Variants in PHLPP1 observed in about 807,000 individuals in gnomAD.
PHLPP1 encodes the protein PH domain and leucine rich repeat protein phosphatase 1.
Under a neutral mutation model 117.2 loss-of-function variants are expected in PHLPP1, and 42 were observed. The ratio of observed to expected loss-of-function variants is 0.36; its 90% CI spans 0.28 to 0.46. The LOEUF is 0.46. Ranked by LOEUF, PHLPP1 falls within the 20% of genes least tolerant of loss-of-function variation. PHLPP1 has a pLI of 1.00. For synonymous variants in PHLPP1, 1,042 were observed against 970.7 expected (o/e 1.07, Z -1.37); for missense variants, 2,084 against 2,241.9 (o/e 0.93, Z 1.42).
rs530198405 is a variant in PHLPP1 at position 62,978,216 on chromosome 18, A to G, written c.3985-46A>G. 1.1e-4 allele frequency: 125 copies of G among 1,166,916 alleles called. No homozygotes were observed. In the South Asian group the frequency reaches 1.7e-3, roughly 16 times the overall value. 72.3% of individuals were successfully genotyped at this position (1,166,916 alleles called of 1,614,324 possible). ...CGCAGGGAACCTGCACAGTTGCCGC[A>G]GGTGCTCTGTATTAACTGTCTGTCT... On this transcript the variant is annotated intron_variant, in intron 16 of 16. Transcript: ENST00000262719. This position sits in a 1 kb window ranked among gnomAD's most constrained non-coding sequence, Gnocchi z 7.0.
intron 1 of PHLPP1, among the ~76,000 whole-genome samples, chr18:62,798,904 A>T (rs1342084746): frequency 1.3e-5 from 2 of 150,462 alleles, no homozygotes; most frequent in Non-Finnish European, 3.0e-5. Flanking sequence ...ATGTTTAAAA[A>T]CAAAACAAAA....
Position 62,776,109 on chromosome 18 carries a change from T to G in PHLPP1, c.1577-53926T>G, listed in dbSNP as rs944434305. ...AGAAGTTTATTTTAAGGAATTGGCT[T>G]GCTTATGGGAACTGGTAAGTCCAAC... On this transcript the variant is annotated intron_variant, in intron 1 of 16. Coordinates refer to ENST00000262719, the MANE Select transcript of PHLPP1 (RefSeq NM_194449.4). Among the ~76,000 whole-genome samples, 3 of 152,166 alleles carry G rather than the reference T, an allele frequency of 2.0e-5. No individual in the cohort carries two copies. In the East Asian group the frequency reaches 5.8e-4, roughly 29 times the overall value.
At chr18:62,775,009 A>T (rs1470058639) in intron 1 of PHLPP1, among the ~76,000 whole-genome samples, 1 of 152,238 alleles carries the variant, frequency 6.6e-6, no homozygotes, top group African/African-American at 2.4e-5. Context: ...AACTGATTTC[A>T]GTCCACCTTC....
intron 12 of PHLPP1, 43 bp from the exon 13 acceptor site, chr18:62,958,586 C>T: frequency 3.1e-6 from 5 of 1,609,040 alleles, no homozygotes; most frequent in Middle Eastern, 1.7e-4. Flanking sequence ...TGAAGAGCTT[C>T]TCTAGACCAT....
chr18:62,828,935 G>T (rs192868368), intron 1 of PHLPP1, among the ~76,000 whole-genome samples: 276 of 152,222 alleles, frequency 1.8e-3, no homozygotes, highest in African/African-American at 6.5e-3. Flanking sequence ...TAGAAATGGG[G>T]AAATACTTTT....
intron 4 of PHLPP1, among the ~76,000 whole-genome samples, chr18:62,884,291 T>C (rs572851772): frequency 6.6e-6 from 1 of 152,332 alleles, no homozygotes; most frequent in African/African-American, 2.4e-5. Flanking sequence ...TTTGGAAGGA[T>C]ATAAACCAAA....
At chr18:62,955,226 A>C (rs148645732) in intron 12 of PHLPP1, among the ~76,000 whole-genome samples, 17 of 152,328 alleles carry the variant, frequency 1.1e-4, no homozygotes, top group Non-Finnish European at 2.1e-4. Context: ...CATGAGCTGC[A>C]GGCACTCTGG....
chr18:62,758,658 T>C (rs139220847), intron 1 of PHLPP1, among the ~76,000 whole-genome samples: 1 of 152,342 alleles, frequency 6.6e-6, no homozygotes, highest in African/African-American at 2.4e-5. Context: ...TAACTTTCCC[T>C]AGTAAATCCA....
At chr18:62,809,071 A>G (rs1914039576) in intron 1 of PHLPP1, among the ~76,000 whole-genome samples, 1 of 152,234 alleles carries the variant, frequency 6.6e-6, no homozygotes, top group Non-Finnish European at 1.5e-5. Flanking sequence ...ATAGAGTACC[A>G]GAATATTAAA....
chr18:62,828,300 G>C (rs1358231934), intron 1 of PHLPP1, among the ~76,000 whole-genome samples: 2 of 152,150 alleles, frequency 1.3e-5, no homozygotes, highest in Non-Finnish European at 2.9e-5. Flanking sequence ...GTGAATCACT[G>C]TGTCTGATCC....
chr18:62,766,076 A>AAATATATATATATATATATAT, intron 1 of PHLPP1, among the ~76,000 whole-genome samples: 16 of 21,648 alleles, frequency 7.4e-4, no homozygotes, highest in African/African-American at 8.9e-4. Context: ...AAAAAAAAAA[A>AAATATATATATATATATATAT]ATATATATAT....
At chr18:62,914,239 T>G (rs1276347015) in intron 8 of PHLPP1, among the ~76,000 whole-genome samples, 3 of 152,188 alleles carry the variant, frequency 2.0e-5, no homozygotes, top group African/African-American at 7.2e-5. Flanking sequence ...TAATATTAAG[T>G]GTAAAAATAC....
chr18:62,769,988 C>T (rs1332427975), intron 1 of PHLPP1, among the ~76,000 whole-genome samples: 1 of 152,206 alleles, frequency 6.6e-6, no homozygotes, highest in Non-Finnish European at 1.5e-5. Flanking sequence ...CATCTTTCCT[C>T]CATGTTTGCA....
intron 1 of PHLPP1, among the ~76,000 whole-genome samples, chr18:62,754,847 T>G (rs1911963761): frequency 1.3e-5 from 2 of 152,178 alleles, no homozygotes; most frequent in Middle Eastern, 3.2e-3. Flanking sequence ...ATTGCCATAG[T>G]CAGCTACACC....
chr18:62,722,797 A>G (rs1018326787), intron 1 of PHLPP1, among the ~76,000 whole-genome samples: 1 of 152,234 alleles, frequency 6.6e-6, no homozygotes, highest in Non-Finnish European at 1.5e-5. Flanking sequence ...ACTTAGGAAG[A>G]ATAGACTTTA....
intron 10 of PHLPP1, among the ~76,000 whole-genome samples, chr18:62,934,288 A>C (rs1468113237): frequency 6.6e-6 from 1 of 152,224 alleles, no homozygotes; most frequent in Non-Finnish European, 1.5e-5. Flanking sequence ...TTATTGCAAC[A>C]CTATTCACAA....
At chr18:62,721,028 T>G (rs1166158789) in intron 1 of PHLPP1, among the ~76,000 whole-genome samples, 1 of 152,186 alleles carries the variant, frequency 6.6e-6, no homozygotes, top group Non-Finnish European at 1.5e-5. Context: ...TCGTATCACT[T>G]TCCATGAATC....
intron 1 of PHLPP1, among the ~76,000 whole-genome samples, chr18:62,792,607 A>G (rs1913494269): frequency 6.6e-6 from 1 of 152,162 alleles, no homozygotes; most frequent in Non-Finnish European, 1.5e-5. Flanking sequence ...GTGGTGGCTC[A>G]CGCCTGTAAT....
intron 3 of PHLPP1, among the ~76,000 whole-genome samples, chr18:62,850,354 A>G (rs572702955): frequency 2.6e-5 from 3 of 115,072 alleles, no homozygotes; most frequent in Non-Finnish European, 4.9e-5. Flanking sequence ...AGCTACTGCA[A>G]TCCCGGATGG....
Sources: allele counts gnomAD v4.1 joint callset (sites outside exome capture counted in the v4.1 genomes callset), GRCh38; gene constraint gnomAD v4.1.1; non-coding constraint Gnocchi (gnomAD v3.1); transcripts MANE v1.5; gene names NCBI Gene and HGNC (gene_info 2026-07-23, HGNC 2026-07-21).